Variants in SLC7A10 observed in about 807,000 individuals in gnomAD.
The protein encoded by SLC7A10 is solute carrier family 7 member 10.
SLC7A10 carries 30 observed loss-of-function variants against 52.7 expected under a neutral mutation model. That is an observed-to-expected ratio of 0.57 (90% CI 0.43 to 0.77). The LOEUF is 0.77. Among genes scored for constraint, SLC7A10 ranks in the 30% least tolerant of loss-of-function variants. The pLI is 0.00. For synonymous variants in SLC7A10, 318 were observed against 314.9 expected, an observed-to-expected ratio of 1.01 and a Z score of -0.10; for missense variants, 581 against 698.5, an observed-to-expected ratio of 0.83 and a Z score of 1.90.
intron 1 of SLC7A10, among the ~76,000 whole-genome samples, chr19:33,218,089 G>A (rs577029138): frequency 6.6e-6 from 1 of 152,180 alleles, no homozygotes; most frequent in Non-Finnish European, 1.5e-5. Context: ...GAAGCCAGCG[G>A]GGGCTGGGTG....
At chr19:33,224,932 C>T (rs1453220668) in intron 1 of SLC7A10, among the ~76,000 whole-genome samples, 1 of 152,214 alleles carries the variant, frequency 6.6e-6, no homozygotes, top group African/African-American at 2.4e-5. Context: ...TGGGTCTGCC[C>T]ACTGCTGCCC....
At position 33,210,644 on chromosome 19, in the gene SLC7A10, G is replaced by A; in HGVS notation, c.1114-28C>T. 1.2e-6 allele frequency: 2 copies of A among 1,610,298 alleles called. No homozygotes were observed. Among genetic ancestry groups the A allele is most frequent in the Non-Finnish European group, 1.7e-6 (2 of 1,179,902 alleles). On this transcript the variant is annotated intron_variant, in intron 8 of 10. Coordinates refer to ENST00000253188, the MANE Select transcript of SLC7A10 (RefSeq NM_019849.3). This position sits in a 1 kb window ranked among gnomAD's most constrained non-coding sequence, Gnocchi z 5.6. The stretch of plus-strand genomic sequence containing the variant: ...GGGAGAGGACCTGGGGCTGACGGCT[G>A]GCCCCTAGCCTGCCTCCTGACGCCC...
intron 1 of SLC7A10, among the ~76,000 whole-genome samples, chr19:33,218,683 T>TCCTTCCTTCCTTCCTTCC (rs1555733796): frequency 4.1e-4 from 13 of 31,872 alleles, no homozygotes; most frequent in Non-Finnish European, 6.6e-4. Context: ...CTTTCTTTCT[T>TCCTTCCTTCCTTCCTTCC]TTTTTTTTTT....
intron 1 of SLC7A10, among the ~76,000 whole-genome samples, chr19:33,217,419 C>T (rs1378157180): frequency 2.0e-5 from 3 of 152,160 alleles, no homozygotes; most frequent in Admixed American, 2.0e-4. Context: ...CCCTGAGCTC[C>T]GCAAAGAGGG....
chr19:33,223,309 G>GAAAAAAAA (rs59600246), intron 1 of SLC7A10, among the ~76,000 whole-genome samples: 3 of 117,338 alleles, frequency 2.6e-5, no homozygotes, highest in African/African-American at 9.6e-5. Context: ...CTCTGTCTCA[G>GAAAAAAAA]AAAAAAAAAA....
At chr19:33,223,281 C>T (rs527513954) in intron 1 of SLC7A10, among the ~76,000 whole-genome samples, 2 of 137,820 alleles carry the variant, frequency 1.5e-5, no homozygotes, top group Admixed American at 7.7e-5. Flanking sequence ...GCACTCCAGC[C>T]TAGGGGACAC....
At chr19:33,224,760 C>T (rs1211983693) in intron 1 of SLC7A10, among the ~76,000 whole-genome samples, 1 of 152,232 alleles carries the variant, frequency 6.6e-6, no homozygotes, top group Non-Finnish European at 1.5e-5. Context: ...CACTGCCATT[C>T]CCATGACCTC....
At chr19:33,223,463 C>T (rs3786926) in intron 1 of SLC7A10, among the ~76,000 whole-genome samples, 53,816 of 151,536 alleles carry the variant, frequency 0.36, 12,333 homozygotes, top group Non-Finnish European at 0.52. Flanking sequence ...AGTGAGCCCA[C>T]CTGGGGCAGA....
rs561065310 is a variant in SLC7A10 at position 33,208,804 on chromosome 19, AAAAAC to A, written c.*82_*86del. On this transcript the variant is annotated 3_prime_UTR_variant, in exon 11 of 11. Transcript: ENST00000253188. The surrounding 1 kb of genome is among the most constrained non-coding windows in gnomAD (Gnocchi z 4.7). ...TATCTTTTTTCTTTTTTTTCCAGAA[AAAAAC>A]AAAACAAAACTTTTTTGCCAAAACA... 2.3e-4 allele frequency: 357 copies of A among 1,585,502 alleles called. 1 individual carries two copies. In the African/African-American group the frequency reaches 3.0e-3, roughly 13 times the overall value.
At chr19:33,212,193 A>G (rs1371022280) in intron 5 of SLC7A10, 99 bp downstream of exon 5, 4 of 1,523,618 alleles carry the variant, frequency 2.6e-6, no homozygotes, top group Non-Finnish European at 3.6e-6. Flanking sequence ...ACCGAGGACC[A>G]GCCCGAGCCT....
intron 1 of SLC7A10, among the ~76,000 whole-genome samples, chr19:33,216,334 G>C (rs969446900): frequency 3.9e-5 from 6 of 152,156 alleles, no homozygotes; most frequent in African/African-American, 1.4e-4. Flanking sequence ...GCAGACGGTG[G>C]CTCCTCAGGC....
rs1974508530 is a variant in SLC7A10 at position 33,210,059 on chromosome 19, G to C, written c.1263+408C>G. 6.6e-6 allele frequency among the ~76,000 whole-genome samples: 1 copy of C among 151,596 alleles called. No homozygotes were observed. The highest frequency in any genetic ancestry group is 2.1e-4 in the South Asian group (1 of 4,816). On this transcript the variant is annotated intron_variant, in intron 9 of 10. Transcript: ENST00000253188. The surrounding 1 kb of genome is among the most constrained non-coding windows in gnomAD (Gnocchi z 5.6). ...GGGCTCAAGCGATCCTCCCATTTCA[G>C]CCTCTCAAGTAGCTGGGACCACAGG...
intron 1 of SLC7A10, chr19:33,217,888 C>T (rs1974723428): frequency 6.6e-6 from 1 of 152,130 alleles, no homozygotes; most frequent in Non-Finnish European, 1.5e-5. Flanking sequence ...GCCCCAGCCC[C>T]CAGAGGTAAG....
chr19:33,225,847 G>C lies in SLC7A10; in HGVS notation c.-144C>G, dbSNP rs2145500182. On this transcript the variant is annotated 5_prime_UTR_variant, in exon 1 of 11. Coordinates refer to ENST00000253188, the MANE Select transcript of SLC7A10 (RefSeq NM_019849.3). ...GCGCATGCGCTGGCTCCGGGCCCGGGACTGGGGGCCCCGGGCGGCGGGGGC... is the reference window on the plus strand; with the variant it reads ...GCGCATGCGCTGGCTCCGGGCCCGGCACTGGGGGCCCCGGGCGGCGGGGGC... The C allele has an allele frequency of 1.0e-6, 1 of 981,144 alleles. No homozygotes were observed. The highest frequency in any genetic ancestry group is 4.0e-4 in the Middle Eastern group (1 of 2,520). The allele number at this position is 981,144 out of a possible 1,614,324, so 60.8% of individuals were successfully genotyped here.
intron 1 of SLC7A10, chr19:33,217,718 T>C (rs4805862): frequency 1 from 152,206 of 152,388 alleles, 76,015 homozygotes; most frequent in Middle Eastern, 1. Flanking sequence ...CGGTTGTAGC[T>C]GCCAATTTGT....
chr19:33,211,314 C>T lies in SLC7A10; in HGVS notation c.927G>A (p.Lys309=). ...SNAVAVTFGE[K]LLGYFSWVMP... is the part of the protein sequence containing the mutation. The stretch of plus-strand genomic sequence containing the variant: ...TGACCCAAGAAAAGTAGCCCAGCAG[C>T]TTCTCCCCGAAGGTCTGGGTGGGCA... Residue 309 remains lysine, a synonymous_variant, in exon 7 of 11, where the codon AAG becomes AAA. Coordinates refer to ENST00000253188, the MANE Select transcript of SLC7A10 (RefSeq NM_019849.3). The T allele has an allele frequency of 1.2e-6, 2 of 1,614,082 alleles. No individual in the cohort carries two copies. The highest frequency in any genetic ancestry group is 1.1e-5 in the South Asian group (1 of 91,074).
At chr19:33,212,171 C>G (rs969910714) in intron 5 of SLC7A10, 121 bp downstream of exon 5, 2 of 1,418,050 alleles carry the variant, frequency 1.4e-6, no homozygotes, top group Non-Finnish European at 1.9e-6. Flanking sequence ...TGCAGGGCAA[C>G]AGGCGTGGGC....
At chr19:33,224,223 C>T (rs1202052671) in intron 1 of SLC7A10, among the ~76,000 whole-genome samples, 1 of 152,108 alleles carries the variant, frequency 6.6e-6, no homozygotes, top group Non-Finnish European at 1.5e-5. Context: ...AGGACAGTTC[C>T]TGGAGAGGGT....
intron 1 of SLC7A10, among the ~76,000 whole-genome samples, chr19:33,224,738 G>A (rs2145497780): frequency 6.6e-6 from 1 of 152,348 alleles, no homozygotes; most frequent in East Asian, 1.9e-4. Context: ...GGGACAGAGA[G>A]TGGAAAAATA....
Sources: allele counts gnomAD v4.1 joint callset (sites outside exome capture counted in the v4.1 genomes callset), GRCh38; gene constraint gnomAD v4.1.1; non-coding constraint Gnocchi (gnomAD v3.1); transcripts MANE v1.5; gene names NCBI Gene and HGNC (gene_info 2026-07-23, HGNC 2026-07-21).